The following PPP1R12A variants were observed in gnomAD, a reference collection of about 807,000 sequenced individuals.
PPP1R12A encodes the protein protein phosphatase 1 regulatory subunit 12A.
Under a neutral mutation model 139.6 loss-of-function variants are expected in PPP1R12A, and 19 were observed. The observed-to-expected ratio is 0.14, with a 90% CI of 0.09 to 0.20. The LOEUF (loss-of-function observed/expected upper bound fraction) is 0.20, where lower values mean the gene tolerates loss of function less well. Ranked by LOEUF, PPP1R12A falls within the 10% of genes least tolerant of loss-of-function variation. The pLI is 1.00. For missense variants in PPP1R12A, 925 were observed against 1,211.5 expected (o/e 0.76, Z 3.51); for synonymous variants, 427 against 420.6 (o/e 1.02, Z -0.19).
intron 1 of PPP1R12A, among the ~76,000 whole-genome samples, chr12:79,894,082 C>T (rs1328853954): frequency 1.3e-5 from 2 of 152,312 alleles, no homozygotes; most frequent in South Asian, 2.1e-4. Context: ...TTCCTAGTTA[C>T]ACCACATGAA....
intron 14 of PPP1R12A, among the ~76,000 whole-genome samples, chr12:79,803,640 T>G (rs1873462707): frequency 6.6e-6 from 1 of 152,120 alleles, no homozygotes; most frequent in Non-Finnish European, 1.5e-5. Context: ...AGGCCAACAA[T>G]GTATTCAAGA....
At chr12:79,778,264 C>A in intron 24 of PPP1R12A, 1 of 205,552 alleles carries the variant, frequency 4.9e-6, no homozygotes, top group Non-Finnish European at 9.7e-6. Flanking sequence ...TTTTTCTATA[C>A]CTGAACAGCA....
chr12:79,890,895 CCACACCCACCCACACACACACACA>C (rs1052944389), intron 1 of PPP1R12A, among the ~76,000 whole-genome samples: 1 of 104,532 alleles, frequency 9.6e-6, no homozygotes, highest in African/African-American at 3.7e-5. Context: ...CACCACCCAC[CCACACCCACCCACACACACACACA>C]CACACACACA....
In PPP1R12A at chr12:79,891,109, G is replaced by A. The variant is rs185027490; in HGVS notation, c.238-18171C>T. 5.7e-4 allele frequency among the ~76,000 whole-genome samples: 86 copies of A among 152,122 alleles called. 1 individual carries two copies. The highest frequency in any genetic ancestry group is 1.9e-3 in the African/African-American group (80 of 41,482). Reference sequence around the variant, plus strand: ...CCTGAATCCTTTTCAGAAAGAAAGAGCAAAGATATGTATAAGAGAGACTGA... The same window carrying A: ...CCTGAATCCTTTTCAGAAAGAAAGAACAAAGATATGTATAAGAGAGACTGA... On this transcript the variant is annotated intron_variant, in intron 1 of 24. Transcript: ENST00000450142.
intron 16 of PPP1R12A, 49 bp downstream of exon 16, chr12:79,797,146 A>G (rs780316970): frequency 6.9e-7 from 1 of 1,444,876 alleles, no homozygotes; most frequent in Non-Finnish European, 9.4e-7. Context: ...AAGGATCATA[A>G]GGACTATTCA....
rs147665383 is a variant in PPP1R12A, at chr12:79,843,849, C to T, written c.487+1453G>A. 1.7e-3 allele frequency among the ~76,000 whole-genome samples: 265 copies of T among 151,430 alleles called. 1 individual carries two copies. The highest frequency in any genetic ancestry group is 5.9e-3 in the African/African-American group (242 of 41,350). ...CCTTCTGAGTAGCTGGGATTACAGG[C>T]GCCCACCACCACGCCCAGCTAATTT... On this transcript the variant is annotated intron_variant, in intron 3 of 24. Coordinates refer to ENST00000450142, the MANE Select transcript of PPP1R12A (RefSeq NM_002480.3).
chr12:79,788,495 T>TG, intron 21 of PPP1R12A, 153 bp downstream of exon 21: 1 of 655,198 alleles, frequency 1.5e-6, no homozygotes, highest in Non-Finnish European at 2.5e-6. Context: ...AACAAACAGC[T>TG]ATTTACATTC....
chr12:79,781,952 C>A (rs1193912223), intron 22 of PPP1R12A, 90 bp from the exon 23 acceptor site: 4 of 642,964 alleles, frequency 6.2e-6, no homozygotes, highest in African/African-American at 1.9e-5. Context: ...TATTAAATCA[C>A]AATATTCAAG....
chr12:79,930,482 T>C (rs1888167233), intron 1 of PPP1R12A, among the ~76,000 whole-genome samples: 1 of 151,786 alleles, frequency 6.6e-6, no homozygotes, highest in Admixed American at 6.6e-5. Context: ...ACTCTAGGGA[T>C]AAAAATAAGG....
chr12:79,841,918 G>C (rs946801594), intron 3 of PPP1R12A, among the ~76,000 whole-genome samples: 3 of 151,170 alleles, frequency 2.0e-5, no homozygotes, highest in Non-Finnish European at 4.4e-5. Flanking sequence ...TGCATTTCTT[G>C]TTTTTTTTAG....
At chr12:79,835,620 C>G (rs984473821) in intron 3 of PPP1R12A, among the ~76,000 whole-genome samples, 2 of 152,190 alleles carry the variant, frequency 1.3e-5, no homozygotes, top group Non-Finnish European at 2.9e-5. Flanking sequence ...ATTCATCCCT[C>G]AATCTACTGC....
At chr12:79,877,905 A>T (rs1177536416) in intron 1 of PPP1R12A, among the ~76,000 whole-genome samples, 2 of 152,196 alleles carry the variant, frequency 1.3e-5, no homozygotes, top group Non-Finnish European at 2.9e-5. Context: ...TATCCTCAGT[A>T]TAAGAATATA....
At chr12:79,806,107 A>C in intron 13 of PPP1R12A, 59 bp downstream of exon 13, 8 of 1,505,688 alleles carry the variant, frequency 5.3e-6, no homozygotes, top group Non-Finnish European at 6.3e-6. Context: ...CTAAACAAAA[A>C]CGCATGCACA....
intron 24 of PPP1R12A, chr12:79,777,167 T>C (rs1332701067): frequency 1.1e-6 from 1 of 889,152 alleles, no homozygotes; most frequent in African/African-American, 1.8e-5. Context: ...ATTAATTATA[T>C]GTAAAATGTT....
At chr12:79,916,613 G>A (rs971301686) in intron 1 of PPP1R12A, among the ~76,000 whole-genome samples, 3 of 151,978 alleles carry the variant, frequency 2.0e-5, no homozygotes, top group African/African-American at 7.2e-5. Flanking sequence ...TAGTCCACTT[G>A]CAAAAAGCTA....
chr12:79,805,652 G>T lies in PPP1R12A; in HGVS notation c.1940C>A (p.Thr647Asn), dbSNP rs376074512. 6.2e-7 allele frequency: 1 copy of T among 1,613,696 alleles called. No individual in the cohort carries two copies. Residue 647 changes from threonine (T) to asparagine (N), a missense_variant, in exon 14 of 25, where the codon ACC becomes AAC. Thr to Asn is a moderately conservative substitution (Grantham distance 65, BLOSUM62 0). Transcript: ENST00000450142. ...AGTGCCAGCAGTAGTTGTAGTCAGG[G>T]TTGTGGTAGAAGCTGCAGCATTTAC... ...TVVNAAASTT[T>N]LTTTTAGTVS...
At chr12:79,843,306 TG>T (rs1401908452) in intron 3 of PPP1R12A, among the ~76,000 whole-genome samples, 1 of 152,140 alleles carries the variant, frequency 6.6e-6, no homozygotes, top group Non-Finnish European at 1.5e-5. Context: ...CTGGGAGTGC[TG>T]GCTCATGCCT....
intron 1 of PPP1R12A, among the ~76,000 whole-genome samples, chr12:79,928,287 A>G (rs1221990495): frequency 1.3e-5 from 2 of 152,218 alleles, no homozygotes; most frequent in Non-Finnish European, 2.9e-5. Flanking sequence ...GTCAGACCAC[A>G]AAAGTGTTGC....
intron 1 of PPP1R12A, among the ~76,000 whole-genome samples, chr12:79,873,370 G>A (rs1289870571): frequency 6.6e-6 from 1 of 151,798 alleles, no homozygotes; most frequent in Non-Finnish European, 1.5e-5. Flanking sequence ...TTGTTGACAT[G>A]TACACGTGAT....
Sources: gnomAD v4.1 joint callset for allele counts (sites outside exome capture counted in the v4.1 genomes callset) on GRCh38, gnomAD v4.1.1 for gene constraint, MANE v1.5 for transcripts, NCBI Gene and HGNC (gene_info 2026-07-23, HGNC 2026-07-21) for gene names.